Variants in MITF observed in about 807,000 individuals in gnomAD.
MITF encodes microphthalmia-associated transcription factor.
In MITF, 17 loss-of-function variants were observed where a neutral mutation model predicts 60.5. That is an observed-to-expected ratio of 0.28 (90% CI 0.19 to 0.42). The LOEUF (loss-of-function observed/expected upper bound fraction) is 0.42, where lower values mean the gene tolerates loss of function less well. MITF is among the 10% of genes least tolerant of loss of function. MITF has a pLI of 1.00. For missense variants in MITF, 622 were observed against 683.5 expected, an observed-to-expected ratio of 0.91 and a Z score of 1.00; for synonymous variants, 260 against 248.5, an observed-to-expected ratio of 1.05 and a Z score of -0.43.
chr3:69,762,162 G>A (rs1017675364), intron 1 of MITF, among the ~76,000 whole-genome samples: 1 of 152,096 alleles, frequency 6.6e-6, no homozygotes, highest in African/African-American at 2.4e-5. Context: ...GCAAAGTATT[G>A]AGTTAAATAT....
At chr3:69,961,365 G>A (rs1224883167) in intron 9 of MITF, among the ~76,000 whole-genome samples, 3 of 150,012 alleles carry the variant, frequency 2.0e-5, no homozygotes, top group Non-Finnish European at 3.0e-5. Flanking sequence ...CTAGGCGACA[G>A]AGTGAGACTC....
At chr3:69,926,871 C>A (rs1259784725) in intron 2 of MITF, among the ~76,000 whole-genome samples, 1 of 152,134 alleles carries the variant, frequency 6.6e-6, no homozygotes, top group African/African-American at 2.4e-5. Context: ...TGAAACAAGG[C>A]GAATTTCACC....
At chr3:69,890,174 C>T (rs1478115964) in intron 2 of MITF, among the ~76,000 whole-genome samples, 2 of 152,122 alleles carry the variant, frequency 1.3e-5, no homozygotes, top group African/African-American at 4.8e-5. Context: ...CCCATGTTAG[C>T]TGACATATCT....
intron 2 of MITF, among the ~76,000 whole-genome samples, chr3:69,918,126 A>T (rs78978789): frequency 0.016 from 2,377 of 152,226 alleles, 29 homozygotes; most frequent in Middle Eastern, 0.051. Flanking sequence ...GTGCAGTGAC[A>T]TGGTCTCTGC....
At chr3:69,881,261 A>T (rs1385368040) in intron 2 of MITF, among the ~76,000 whole-genome samples, 1 of 152,106 alleles carries the variant, frequency 6.6e-6, no homozygotes, top group Non-Finnish European at 1.5e-5. Context: ...AACTAAAAAT[A>T]AGTATTAGGT....
intron 1 of MITF, among the ~76,000 whole-genome samples, chr3:69,794,803 A>G (rs2062801753): frequency 6.6e-6 from 1 of 152,208 alleles, no homozygotes; most frequent in African/African-American, 2.4e-5. Flanking sequence ...GTCTGACCTC[A>G]ATCACTCTGA....
intron 2 of MITF, among the ~76,000 whole-genome samples, chr3:69,913,420 CACT>C (rs1049515614): frequency 1.3e-4 from 20 of 152,144 alleles, no homozygotes; most frequent in African/African-American, 4.3e-4. Flanking sequence ...TGTTTTATAC[CACT>C]ATTTTTCTTT....
chr3:69,939,136 C>T lies in MITF; in HGVS notation c.621C>T (p.Ser207=), dbSNP rs370323877. Residue 207 remains serine (S), a synonymous_variant, in exon 4 of 10, where the codon AGC becomes AGT. Transcript: ENST00000352241. ...TTGAAGAGCAAAACAGGGCAGAGAGCGAGTGCCCAGGCATGAACACACATT... is the reference window on the plus strand; with the variant it reads ...TTGAAGAGCAAAACAGGGCAGAGAGTGAGTGCCCAGGCATGAACACACATT... ...YKFEEQNRAE[S]ECPGMNTHSR... 3.1e-6 allele frequency: 5 copies of T among 1,613,922 alleles called. No homozygotes were observed. Among genetic ancestry groups the T allele is most frequent in the Middle Eastern group, 1.6e-4 (1 of 6,082 alleles).
At chr3:69,907,229 C>G (rs2065118982) in intron 2 of MITF, among the ~76,000 whole-genome samples, 1 of 152,156 alleles carries the variant, frequency 6.6e-6, no homozygotes, top group South Asian at 2.1e-4. Flanking sequence ...AGCTCTGGAA[C>G]TCCTACTTTC....
intron 3 of MITF, 103 bp from the exon 4 acceptor site, chr3:69,938,995 C>G (rs2065907446): frequency 6.4e-7 from 1 of 1,553,658 alleles, no homozygotes; most frequent in South Asian, 1.2e-5. Context: ...TGTTTGAAAG[C>G]TTAGTTCATC....
intron 1 of MITF, among the ~76,000 whole-genome samples, chr3:69,806,869 T>C (rs2063017940): frequency 6.6e-6 from 1 of 152,214 alleles, no homozygotes; most frequent in Non-Finnish European, 1.5e-5. Flanking sequence ...ACCACAGTTA[T>C]TGTTAGTTTA....
chr3:69,856,167 G>A (rs1456580959), intron 1 of MITF, among the ~76,000 whole-genome samples: 2 of 152,020 alleles, frequency 1.3e-5, no homozygotes, highest in Non-Finnish European at 2.9e-5. Context: ...GTTTAATCTC[G>A]TTTCCACTGA....
Position 69,739,520 on chromosome 3 carries a change from C to A in MITF, c.-78C>A. ...GCGCCGGGGCGCACGGCTCGGGGGACCCAGGCCCAGCTACCTTCCCTCCGC... is the reference window on the plus strand; with the variant it reads ...GCGCCGGGGCGCACGGCTCGGGGGAACCAGGCCCAGCTACCTTCCCTCCGC... On this transcript the variant is annotated 5_prime_UTR_variant, in exon 1 of 10. Coordinates refer to ENST00000352241, the MANE Select transcript of MITF (RefSeq NM_001354604.2). The A allele has an allele frequency of 7.4e-7, 1 of 1,343,854 alleles. No individual in the cohort carries two copies. Among genetic ancestry groups the A allele is most frequent in the Non-Finnish European group, 1.0e-6 (1 of 959,074 alleles). 83.2% of individuals were successfully genotyped at this position (1,343,854 alleles called of 1,614,324 possible).
chr3:69,808,074 T>A (rs191803300), intron 1 of MITF, among the ~76,000 whole-genome samples: 1 of 148,590 alleles, frequency 6.7e-6, no homozygotes, highest in Non-Finnish European at 1.5e-5. Context: ...ACATAGTATG[T>A]ATTTATATAT....
At chr3:69,776,035 A>G (rs1369122233) in intron 1 of MITF, among the ~76,000 whole-genome samples, 1 of 152,238 alleles carries the variant, frequency 6.6e-6, no homozygotes, top group Non-Finnish European at 1.5e-5. Flanking sequence ...CCTAAATTAT[A>G]TGAACTGAAG....
At position 69,939,171 on chromosome 3, in the gene MITF, C is replaced by T. The variant is rs759713640; in HGVS notation, c.656C>T (p.Ser219Phe). ...GGCATGAACACACATTCACGAGCGT[C>T]CTGTATGCAGGTACTGAATGACTTG... ...CPGMNTHSRA[S>F]CMQMDDVIDD... The change falls in exon 4 of 10, where the codon TCC becomes TTC. Residue 219 changes from serine to phenylalanine, a missense_variant. This residue lies in a region of MITF where 215 missense variants were observed against 224.8 expected (regional missense o/e 0.96). Coordinates refer to ENST00000352241, the MANE Select transcript of MITF (RefSeq NM_001354604.2). 1 of 1,613,966 alleles carries T rather than the reference C, an allele frequency of 6.2e-7. No individual in the cohort carries two copies.
intron 1 of MITF, among the ~76,000 whole-genome samples, chr3:69,867,057 T>C (rs1184297077): frequency 6.6e-6 from 1 of 152,144 alleles, no homozygotes; most frequent in Non-Finnish European, 1.5e-5. Flanking sequence ...CCCACATCCT[T>C]TAACATTTAC....
At chr3:69,839,213 C>A (rs750055719) in intron 1 of MITF, among the ~76,000 whole-genome samples, 10 of 150,740 alleles carry the variant, frequency 6.6e-5, no homozygotes, top group Non-Finnish European at 1.0e-4. Flanking sequence ...TGGGTTCTAA[C>A]TCCAGAGAAC....
chr3:69,757,310 T>G (rs895358562), intron 1 of MITF, among the ~76,000 whole-genome samples: 23 of 152,360 alleles, frequency 1.5e-4, no homozygotes, highest in Admixed American at 1.2e-3. Flanking sequence ...TTCTCCAGTA[T>G]TCTTACTAAC....
Sources: gnomAD v4.1 joint callset for allele counts (sites outside exome capture counted in the v4.1 genomes callset) on GRCh38, gnomAD v4.1.1 for gene constraint, gnomAD v4.1.1 regional missense constraint, MANE v1.5 for transcripts, NCBI Gene and HGNC (gene_info 2026-07-23, HGNC 2026-07-21) for gene names.